AGBL1: variants seen among roughly 807,000 people sequenced by gnomAD.
AGBL1 encodes AGBL carboxypeptidase 1, also known as cytosolic carboxypeptidase 4.
In AGBL1, 130 loss-of-function variants were observed where a neutral mutation model predicts 118.9. The ratio of observed to expected loss-of-function variants is 1.09; its 90% CI spans 0.95 to 1.26. AGBL1 has a LOEUF of 1.26. Among genes scored for constraint, AGBL1 ranks in the 50% most tolerant of loss-of-function variants. The pLI, the probability that AGBL1 is intolerant of heterozygous loss-of-function variation, is 0.00. For synonymous variants in AGBL1, 555 were observed against 478.9 expected (o/e 1.16, Z -2.08); for missense variants, 1,584 against 1,298.1 (o/e 1.22, Z -3.38).
At chr15:86,648,593 T>C (rs1311984020) in intron 21 of AGBL1, among the ~76,000 whole-genome samples, 2 of 152,196 alleles carry the variant, frequency 1.3e-5, no homozygotes, top group Admixed American at 6.6e-5. Context: ...GTCAAGTCCT[T>C]AGTCAGATAA....
chr15:86,308,333 C>G (rs1475108812), intron 17 of AGBL1, among the ~76,000 whole-genome samples: 1 of 151,442 alleles, frequency 6.6e-6, no homozygotes, highest in African/African-American at 2.4e-5. Context: ...TACTAGTGTT[C>G]TTATAAGAAG....
chr15:86,714,830 G>A (rs2086613789), intron 22 of AGBL1, among the ~76,000 whole-genome samples: 1 of 152,134 alleles, frequency 6.6e-6, no homozygotes, highest in Non-Finnish European at 1.5e-5. Context: ...CATCAAGGGA[G>A]GGGCCCCTGC....
chr15:86,844,676 T>C (rs923993747), intron 22 of AGBL1, among the ~76,000 whole-genome samples: 1 of 152,184 alleles, frequency 6.6e-6, no homozygotes, highest in Admixed American at 6.5e-5. Context: ...TTATTTTCTT[T>C]ATGGTATTTT....
chr15:86,788,322 A>G (rs889659210), intron 22 of AGBL1, among the ~76,000 whole-genome samples: 1 of 152,252 alleles, frequency 6.6e-6, no homozygotes, highest in African/African-American at 2.4e-5. Flanking sequence ...AACACATACT[A>G]TATGCCAGGC....
intron 22 of AGBL1, among the ~76,000 whole-genome samples, chr15:86,899,111 C>G (rs572178487): frequency 9.9e-5 from 15 of 152,216 alleles, no homozygotes; most frequent in Non-Finnish European, 2.2e-4. Context: ...CAGCACGATA[C>G]ACAATAGCAA....
chr15:86,899,186 C>T (rs1313849800), intron 22 of AGBL1, among the ~76,000 whole-genome samples: 3 of 152,140 alleles, frequency 2.0e-5, no homozygotes, highest in Non-Finnish European at 4.4e-5. Context: ...ACATATACAC[C>T]ATGGAATACT....
intron 23 of AGBL1, among the ~76,000 whole-genome samples, chr15:86,943,953 G>T (rs2080785406): frequency 6.6e-6 from 1 of 152,054 alleles, no homozygotes; most frequent in Non-Finnish European, 1.5e-5. Context: ...GAATGTAGCT[G>T]GCACATGGAG....
chr15:86,497,775 C>T (rs2082871641), intron 18 of AGBL1, among the ~76,000 whole-genome samples: 1 of 151,928 alleles, frequency 6.6e-6, no homozygotes, highest in South Asian at 2.1e-4. Flanking sequence ...TCAGAGCTAC[C>T]TGGTGCACCC....
chr15:86,714,184 A>G (rs1350578004), intron 22 of AGBL1, among the ~76,000 whole-genome samples: 1 of 152,140 alleles, frequency 6.6e-6, no homozygotes, highest in Non-Finnish European at 1.5e-5. Flanking sequence ...TGAGGCAATG[A>G]TAAGGGGCCC....
intron 1 of AGBL1, among the ~76,000 whole-genome samples, chr15:86,107,904 T>C (rs1198794776): frequency 6.6e-6 from 1 of 152,174 alleles, no homozygotes; most frequent in Non-Finnish European, 1.5e-5. Flanking sequence ...GTGTCTTGCA[T>C]AGTAGTACCT....
At position 86,911,260 on chromosome 15, in the gene AGBL1, C is replaced by T; in HGVS notation, c.*3966C>T. On this transcript the variant is annotated 3_prime_UTR_variant, in exon 23 of 23. Transcript: ENST00000614907. ...GGGGCTGAGGGGCTGTGGGGGCCTG[C>T]AGCTTCATGGGACAGCCTGGTAAAA... 1 of 154,142 alleles carries T rather than the reference C, an allele frequency of 6.5e-6. No homozygotes were observed. Among genetic ancestry groups the T allele is most frequent in the Non-Finnish European group, 1.4e-5 (1 of 69,604 alleles). 9.5% of individuals were successfully genotyped at this position (154,142 alleles called of 1,614,324 possible).
intron 24 of AGBL1, among the ~76,000 whole-genome samples, chr15:86,995,411 CAT>C (rs761813977): frequency 1.2e-4 from 18 of 152,032 alleles, no homozygotes; most frequent in Admixed American, 2.6e-4. Flanking sequence ...AATAAACAAA[CAT>C]AGGGGCACTA....
chr15:86,107,310 G>A (rs1897109177), intron 1 of AGBL1, among the ~76,000 whole-genome samples: 1 of 152,216 alleles, frequency 6.6e-6, no homozygotes. Flanking sequence ...ATATGTAGTG[G>A]CCAGAAATTG....
At chr15:86,784,292 C>G (rs1451353925) in intron 22 of AGBL1, among the ~76,000 whole-genome samples, 1 of 152,144 alleles carries the variant, frequency 6.6e-6, no homozygotes, top group Non-Finnish European at 1.5e-5. Flanking sequence ...TGATGGAATT[C>G]AGGAAAAATA....
chr15:86,818,689 G>A (rs2078899007), intron 22 of AGBL1, among the ~76,000 whole-genome samples: 1 of 152,128 alleles, frequency 6.6e-6, no homozygotes, highest in Non-Finnish European at 1.5e-5. Flanking sequence ...GGTGATAGTG[G>A]GAGTTGACAA....
chr15:86,225,081 A>G, intron 6 of AGBL1, 130 bp downstream of exon 6: 1 of 907,244 alleles, frequency 1.1e-6, no homozygotes, highest in Non-Finnish European at 1.7e-6. Flanking sequence ...ACCTATGGCT[A>G]ATTCCTGACC....
rs190597427 is a variant in AGBL1 at position 86,994,535 on chromosome 15, G to A, written c.3323+6447G>A. On this transcript the variant is annotated intron_variant, in intron 24 of 24. Coordinates refer to the AGBL1 transcript ENST00000441037. ...AGAGGCAATTCTGAAGTGGTTGGTC[G>A]TCTTGGAAAATAGGTTAATGATTTT... Among the ~76,000 whole-genome samples the A allele has an allele frequency of 2.4e-3, 367 of 152,206 alleles. 1 individual carries two copies. The highest frequency in any genetic ancestry group is 4.1e-3 in the Non-Finnish European group (281 of 68,014).
At chr15:86,573,331 C>G (rs1481733446) in intron 21 of AGBL1, among the ~76,000 whole-genome samples, 1 of 152,162 alleles carries the variant, frequency 6.6e-6, no homozygotes, top group Non-Finnish European at 1.5e-5. Flanking sequence ...TCCATGTCTT[C>G]TACAGTTTAT....
intron 1 of AGBL1, among the ~76,000 whole-genome samples, chr15:86,100,798 A>T (rs1597392371): frequency 6.6e-6 from 1 of 151,888 alleles, no homozygotes; most frequent in South Asian, 2.1e-4. Context: ...TGTCGATTTT[A>T]CTTATCTTTC....
Sources: allele counts gnomAD v4.1 joint callset (sites outside exome capture counted in the v4.1 genomes callset), GRCh38; gene constraint gnomAD v4.1.1; transcripts MANE v1.5; gene names NCBI Gene and HGNC (gene_info 2026-07-23, HGNC 2026-07-21).